TP53BP2: variants seen among roughly 807,000 people sequenced by gnomAD.
TP53BP2 encodes the protein apoptosis-stimulating of p53 protein 2.
TP53BP2 carries 62 observed loss-of-function variants against 126.2 expected under a neutral mutation model. That is an observed-to-expected ratio of 0.49 (90% CI 0.40 to 0.61). The LOEUF is 0.61. Among genes scored for constraint, TP53BP2 ranks in the 20% least tolerant of loss-of-function variants. TP53BP2 has a pLI of 0.00. For synonymous variants in TP53BP2, 485 were observed against 502.9 expected (o/e 0.96, Z 0.48); for missense variants, 1,215 against 1,402.8 (o/e 0.87, Z 2.14).
At chr1:223,793,163 T>C in intron 14 of TP53BP2, 140 bp downstream of exon 14, 1 of 707,620 alleles carries the variant, frequency 1.4e-6, no homozygotes, top group Non-Finnish European at 2.1e-6. Flanking sequence ...TAAAATACAA[T>C]TTCTCTACAG....
intron 1 of TP53BP2, among the ~76,000 whole-genome samples, chr1:223,830,050 G>C (rs939552424): frequency 6.6e-6 from 1 of 152,086 alleles, no homozygotes; most frequent in East Asian, 1.9e-4. Flanking sequence ...GATCCCACAA[G>C]ACAATACAAA....
chr1:223,828,829 G>A (rs910559435), intron 1 of TP53BP2, among the ~76,000 whole-genome samples: 2 of 152,260 alleles, frequency 1.3e-5, no homozygotes, highest in Middle Eastern at 3.4e-3. Flanking sequence ...ACTGAGGAAG[G>A]GGGAATAGGG....
intron 15 of TP53BP2, among the ~76,000 whole-genome samples, chr1:223,790,237 G>A (rs965650990): frequency 1.5e-4 from 23 of 151,594 alleles, no homozygotes; most frequent in African/African-American, 5.6e-4. Context: ...GGGTGACACA[G>A]CAAGACTCTG....
chr1:223,792,905 G>T (rs1025156004), intron 14 of TP53BP2, among the ~76,000 whole-genome samples: 3 of 151,404 alleles, frequency 2.0e-5, no homozygotes, highest in Non-Finnish European at 4.4e-5. Flanking sequence ...TAAATAGTAG[G>T]CTTCTAAAAG....
chr1:223,829,660 C>A (rs1663626921), intron 1 of TP53BP2, among the ~76,000 whole-genome samples: 1 of 147,828 alleles, frequency 6.8e-6, no homozygotes. Context: ...CTCATTGAAT[C>A]AAATTATAAA....
At chr1:223,794,401 T>C (rs1662249325) in intron 13 of TP53BP2, among the ~76,000 whole-genome samples, 1 of 152,212 alleles carries the variant, frequency 6.6e-6, no homozygotes, top group Admixed American at 6.5e-5. Flanking sequence ...CTGTGGTTAA[T>C]ACAAGTCATA....
At chr1:223,810,387 G>A in intron 4 of TP53BP2, 44 bp downstream of exon 4, 1 of 1,350,842 alleles carries the variant, frequency 7.4e-7, no homozygotes, top group Non-Finnish European at 1.0e-6. Context: ...TAAAAAATAT[G>A]TATCACTGTG....
intron 1 of TP53BP2, among the ~76,000 whole-genome samples, chr1:223,829,934 T>C (rs924263012): frequency 1.8e-4 from 27 of 152,080 alleles, no homozygotes; most frequent in African/African-American, 6.0e-4. Flanking sequence ...CCTTTGAACT[T>C]AGAAATCAGG....
At chr1:223,841,034 C>T (rs780117953) in intron 1 of TP53BP2, among the ~76,000 whole-genome samples, 10 of 152,126 alleles carry the variant, frequency 6.6e-5, no homozygotes, top group Non-Finnish European at 1.0e-4. Context: ...TAGTGGATCA[C>T]GGGGTCAGGA....
chr1:223,812,658 C>G (rs986698591), intron 3 of TP53BP2, among the ~76,000 whole-genome samples: 25 of 152,316 alleles, frequency 1.6e-4, no homozygotes, highest in Non-Finnish European at 1.8e-4. Flanking sequence ...CTCCCTGATT[C>G]AAGCGATTCT....
chr1:223,813,840 G>GT (rs2102865444), intron 3 of TP53BP2, among the ~76,000 whole-genome samples: 1 of 152,164 alleles, frequency 6.6e-6, no homozygotes, highest in South Asian at 2.1e-4. Context: ...GAAAACAAAT[G>GT]TTTTTAGATG....
intron 4 of TP53BP2, 149 bp from the exon 5 acceptor site, chr1:223,807,096 CATTA>C (rs915970845): frequency 5.3e-6 from 3 of 561,344 alleles, no homozygotes; most frequent in African/African-American, 3.9e-5. Context: ...TCAAGCAGAC[CATTA>C]ATTCTTATAT....
At chr1:223,837,800 T>C (rs1663972742) in intron 1 of TP53BP2, among the ~76,000 whole-genome samples, 1 of 152,098 alleles carries the variant, frequency 6.6e-6, no homozygotes, top group African/African-American at 2.4e-5. Context: ...ACCTCTTCTG[T>C]GGCTCCCACG....
rs527740850 is a variant in TP53BP2 at position 223,827,659 on chromosome 1, T to C, written c.28-6292A>G. ...AGTTTTTACAGACCATTTTAATTGA[T>C]GGGAATGACCTAGTTGAGAGGGAAA... On this transcript the variant is annotated intron_variant, in intron 1 of 17. Transcript: ENST00000343537. Among the ~76,000 whole-genome samples, 5 of 152,320 alleles carry C rather than the reference T, an allele frequency of 3.3e-5. No homozygotes were observed. The East Asian group carries it at 9.6e-4, about 29-fold the overall frequency.
intron 17 of TP53BP2, 112 bp downstream of exon 17, chr1:223,784,003 A>T: frequency 5.6e-6 from 5 of 890,374 alleles, no homozygotes; most frequent in Non-Finnish European, 9.2e-6. Flanking sequence ...TTTAAATTCC[A>T]TGTCTTATTA....
intron 2 of TP53BP2, among the ~76,000 whole-genome samples, chr1:223,817,056 A>G (rs1348880282): frequency 6.6e-6 from 1 of 151,394 alleles, no homozygotes; most frequent in African/African-American, 2.4e-5. Flanking sequence ...ACTACTCAGG[A>G]GGCTGAGGTG....
chr1:223,794,239 C>T (rs1181723878), intron 13 of TP53BP2, among the ~76,000 whole-genome samples: 2 of 151,950 alleles, frequency 1.3e-5, no homozygotes, highest in Non-Finnish European at 2.9e-5. Flanking sequence ...AAAGTAGAGA[C>T]GTTTACTGTT....
chr1:223,823,838 T>A (rs1438305285), intron 1 of TP53BP2, among the ~76,000 whole-genome samples: 1 of 152,204 alleles, frequency 6.6e-6, no homozygotes, highest in Non-Finnish European at 1.5e-5. Flanking sequence ...TGCTTTGAAG[T>A]TTATCACTTT....
In TP53BP2 at chr1:223,798,587, G is replaced by A. The variant is rs769763272; in HGVS notation, c.1576C>T (p.Pro526Ser). 15 of 1,614,042 alleles carry A rather than the reference G, an allele frequency of 9.3e-6. No individual in the cohort carries two copies. The highest frequency in any genetic ancestry group is 6.7e-5 in the Admixed American group (4 of 60,000). The change falls in exon 12 of 18, where the codon CCA becomes TCA. Residue 526 changes from proline to serine, a missense_variant. This residue lies in a region of TP53BP2 where 814 missense variants were observed against 853.0 expected (regional missense o/e 0.95). Transcript: ENST00000343537. ...NLPYFGQTNQPPSDIKPDGSS... is the reference protein window; with the variant it reads ...NLPYFGQTNQSPSDIKPDGSS... ...CCGTCTGGCTTAATGTCTGAAGGTG[G>A]CTGATTAGTTTGTCCAAAATAAGGC... is the stretch of plus-strand genomic sequence containing the variant.
Sources: allele counts gnomAD v4.1 joint callset (sites outside exome capture counted in the v4.1 genomes callset), GRCh38; gene constraint gnomAD v4.1.1; regional missense constraint gnomAD v4.1.1; transcripts MANE v1.5; gene names NCBI Gene and HGNC (gene_info 2026-07-23, HGNC 2026-07-21).